Variants in DENND1B observed in about 807,000 individuals in gnomAD.
DENND1B encodes DENN domain-containing protein 1B.
In DENND1B, 59 loss-of-function variants were observed where a neutral mutation model predicts 90.1. The ratio of observed to expected loss-of-function variants is 0.65; its 90% confidence interval spans 0.53 to 0.81. The LOEUF is 0.81. DENND1B is among the 40% of genes least tolerant of loss of function. The pLI is 0.00. For synonymous variants in DENND1B, 337 were observed against 324.6 expected, an observed-to-expected ratio of 1.04 and a Z score of -0.41; for missense variants, 862 against 912.6, an observed-to-expected ratio of 0.94 and a Z score of 0.71.
intron 19 of DENND1B, 92 bp downstream of exon 19, chr1:197,540,867 G>T: frequency 1.7e-6 from 2 of 1,205,206 alleles, no homozygotes; most frequent in Non-Finnish European, 2.4e-6. Context: ...TATTTCAAAT[G>T]TCATTAAAAA....
chr1:197,622,806 T>C (rs1158831805), intron 10 of DENND1B, among the ~76,000 whole-genome samples: 1 of 151,498 alleles, frequency 6.6e-6, no homozygotes, highest in Non-Finnish European at 1.5e-5. Context: ...AAATCTGATT[T>C]GTTCCTTCTT....
chr1:197,769,032 T>C (rs1656076301), intron 2 of DENND1B, among the ~76,000 whole-genome samples: 1 of 152,182 alleles, frequency 6.6e-6, no homozygotes, highest in South Asian at 2.1e-4. Flanking sequence ...AAGATACTTA[T>C]CTAAGCTATT....
chr1:197,636,219 A>G (rs930045950), intron 10 of DENND1B, among the ~76,000 whole-genome samples: 18 of 152,284 alleles, frequency 1.2e-4, no homozygotes, highest in African/African-American at 3.8e-4. Context: ...GTCCAAACAG[A>G]AGATAAGTGC....
intron 2 of DENND1B, chr1:197,734,752 A>G: frequency 1.0e-6 from 1 of 983,046 alleles, no homozygotes; most frequent in Non-Finnish European, 1.2e-6. Context: ...CATACTCCAT[A>G]GAGTAATATA....
intron 2 of DENND1B, among the ~76,000 whole-genome samples, chr1:197,744,776 C>T (rs529567308): frequency 5.9e-5 from 9 of 152,298 alleles, no homozygotes; most frequent in Admixed American, 3.3e-4. Flanking sequence ...CTCAGAAAGC[C>T]TTACATGGCA....
rs1311224441 is a variant in DENND1B, at chr1:197,626,123, A to C, written c.673-8364T>G. Among the ~76,000 whole-genome samples, 4 of 152,200 alleles carry C rather than the reference A, an allele frequency of 2.6e-5. No individual in the cohort carries two copies. In the East Asian group the frequency reaches 7.7e-4, roughly 29 times the overall value. On this transcript the variant is annotated intron_variant, in intron 10 of 22. Transcript: ENST00000620048. ...CATTAGACAGATCAACGAGACAGAA[A>C]GTCAACAAGGATACCCAGGAATTGA...
intron 10 of DENND1B, among the ~76,000 whole-genome samples, chr1:197,634,036 T>C (rs781707684): frequency 3.3e-5 from 5 of 152,122 alleles, no homozygotes; most frequent in Non-Finnish European, 7.4e-5. Context: ...TTCCAGAAAA[T>C]TCTGCCAGTG....
chr1:197,729,668 T>C (rs1019898987), intron 2 of DENND1B, among the ~76,000 whole-genome samples: 4 of 152,158 alleles, frequency 2.6e-5, no homozygotes, highest in Non-Finnish European at 4.4e-5. Context: ...TCCTTGGGCA[T>C]TTGCCACTGA....
At chr1:197,734,215 G>C (rs1194872119) in intron 2 of DENND1B, 1 of 884,434 alleles carries the variant, frequency 1.1e-6, no homozygotes, top group African/African-American at 1.8e-5. Flanking sequence ...TTAAAACTTA[G>C]AAATGAAAAG....
chr1:197,626,254 T>C (rs1459020135), intron 10 of DENND1B, among the ~76,000 whole-genome samples: 2 of 151,984 alleles, frequency 1.3e-5, no homozygotes, highest in Non-Finnish European at 2.9e-5. Flanking sequence ...TATTCCAAAA[T>C]TGACCACATA....
chr1:197,765,009 C>T (rs1655527568), intron 2 of DENND1B, among the ~76,000 whole-genome samples: 1 of 152,114 alleles, frequency 6.6e-6, no homozygotes, highest in Non-Finnish European at 1.5e-5. Flanking sequence ...CAAAGCAATT[C>T]CCTCCATACT....
chr1:197,621,293 A>C (rs2125871171), intron 10 of DENND1B, among the ~76,000 whole-genome samples: 1 of 151,274 alleles, frequency 6.6e-6, no homozygotes, highest in African/African-American at 2.4e-5. Flanking sequence ...AAATTAAAGA[A>C]AAATATACAA....
intron 5 of DENND1B, among the ~76,000 whole-genome samples, chr1:197,666,110 A>C (rs2125973021): frequency 6.6e-6 from 1 of 152,318 alleles, no homozygotes; most frequent in East Asian, 1.9e-4. Context: ...AAAGTGATTA[A>C]ATATAACCTA....
chr1:197,698,131 A>G (rs1658634072), intron 3 of DENND1B, among the ~76,000 whole-genome samples: 1 of 152,200 alleles, frequency 6.6e-6, no homozygotes, highest in Non-Finnish European at 1.5e-5. Context: ...TCTCAGTGCC[A>G]CATCACACTT....
intron 3 of DENND1B, among the ~76,000 whole-genome samples, chr1:197,707,555 C>T (rs1659677861): frequency 6.8e-6 from 1 of 147,458 alleles, no homozygotes; most frequent in Non-Finnish European, 1.5e-5. Flanking sequence ...CATTATCACC[C>T]ATATATATGT....
chr1:197,517,399 G>A (rs1277986630), intron 20 of DENND1B, among the ~76,000 whole-genome samples: 1 of 151,836 alleles, frequency 6.6e-6, no homozygotes, highest in East Asian at 1.9e-4. Context: ...CTAACCAAAG[G>A]TATCACCATG....
chr1:197,781,816 A>T, the DENND1B span, among the ~76,000 whole-genome samples: 1 of 152,198 alleles, frequency 6.6e-6, no homozygotes, highest in Admixed American at 6.5e-5. Context: ...CCAAATCTGA[A>T]CATATCCAAA....
chr1:197,649,364 G>A (rs1652854476), intron 7 of DENND1B, among the ~76,000 whole-genome samples: 1 of 152,106 alleles, frequency 6.6e-6, no homozygotes, highest in Non-Finnish European at 1.5e-5. Context: ...TGACTGGAAG[G>A]AGAGAGGCTC....
chr1:197,646,634 T>A (rs770460743), intron 8 of DENND1B, among the ~76,000 whole-genome samples: 1 of 152,030 alleles, frequency 6.6e-6, no homozygotes, highest in Non-Finnish European at 1.5e-5. Context: ...TTGAGCACAG[T>A]TGAACTAGTC....
Sources: gnomAD v4.1 joint callset for allele counts (sites outside exome capture counted in the v4.1 genomes callset) on GRCh38, gnomAD v4.1.1 for gene constraint, MANE v1.5 for transcripts, NCBI Gene and HGNC (gene_info 2026-07-23, HGNC 2026-07-21) for gene names.